The following NEBL variants were observed in gnomAD, a reference collection of about 807,000 sequenced individuals.
NEBL encodes the protein nebulette.
A neutral mutation model predicts 140.2 loss-of-function variants in NEBL; 122 were observed. That is an observed-to-expected ratio of 0.87 (90% CI 0.75 to 1.01). The LOEUF is 1.01. NEBL is among the 50% of genes least tolerant of loss of function. The probability of loss-of-function intolerance (pLI) is 0.00; values close to 1 mark genes in which losing one functional copy is unlikely to be tolerated. For synonymous variants in NEBL, 436 were observed against 398.9 expected (o/e 1.09, Z -1.11); for missense variants, 1,365 against 1,231.3 (o/e 1.11, Z -1.62).
intron 4 of NEBL, among the ~76,000 whole-genome samples, chr10:20,926,617 A>C (rs1833926070): frequency 6.6e-6 from 1 of 152,178 alleles, no homozygotes; most frequent in South Asian, 2.1e-4. Flanking sequence ...CAGGAAAGAA[A>C]TCTGTCCCTC....
At chr10:20,883,948 A>G (rs1846236676) in intron 4 of NEBL, among the ~76,000 whole-genome samples, 1 of 152,172 alleles carries the variant, frequency 6.6e-6, no homozygotes, top group East Asian at 1.9e-4. Context: ...GCTAATGGAA[A>G]ATTATGTCAA....
intron 3 of NEBL, among the ~76,000 whole-genome samples, chr10:21,243,840 A>T (rs1255059380): frequency 6.6e-6 from 1 of 152,032 alleles, no homozygotes; most frequent in Non-Finnish European, 1.5e-5. Flanking sequence ...CAGCGAAAGA[A>T]AAGTTTATTC....
chr10:20,889,594 T>A (rs1755070578), intron 3 of NEBL, among the ~76,000 whole-genome samples: 1 of 152,180 alleles, frequency 6.6e-6, no homozygotes, highest in African/African-American at 2.4e-5. Context: ...AGAGGAATCG[T>A]ATATAAATAA....
chr10:21,046,619 G>C (rs1303483039), intron 2 of NEBL, among the ~76,000 whole-genome samples: 1 of 152,028 alleles, frequency 6.6e-6, no homozygotes, highest in Non-Finnish European at 1.5e-5. Flanking sequence ...TTTTGTTTTT[G>C]AGACGGAGTG....
chr10:21,174,475 T>C, upstream of NEBL: 1 of 152,366 alleles, frequency 6.6e-6, no homozygotes, highest in Admixed American at 6.5e-5. Flanking sequence ...CCTCTTCTCT[T>C]CCCCAGCCGG....
At chr10:21,218,668 G>A (rs1362634583) in intron 3 of NEBL, among the ~76,000 whole-genome samples, 1 of 152,130 alleles carries the variant, frequency 6.6e-6, no homozygotes, top group Non-Finnish European at 1.5e-5. Context: ...AGATTAAACA[G>A]GAGAAATGGA....
At chr10:20,853,624 C>CA (rs1473048819) in intron 9 of NEBL, among the ~76,000 whole-genome samples, 5 of 151,816 alleles carry the variant, frequency 3.3e-5, no homozygotes, top group African/African-American at 1.2e-4. Flanking sequence ...CCCAGTTCTA[C>CA]AAAAAATAAA....
At chr10:21,060,604 T>TA (rs1474022026) in intron 2 of NEBL, among the ~76,000 whole-genome samples, 6 of 152,078 alleles carry the variant, frequency 3.9e-5, no homozygotes, top group African/African-American at 1.4e-4. Flanking sequence ...TCATTTTTTT[T>TA]AAAAATCCCC....
At chr10:21,132,366 CTTTG>C (rs1440760627) in intron 2 of NEBL, among the ~76,000 whole-genome samples, 2 of 152,244 alleles carry the variant, frequency 1.3e-5, no homozygotes, top group Admixed American at 6.5e-5. Context: ...ATGTGCCATA[CTTTG>C]TTTATCTACT....
chr10:21,028,013 G>C (rs945058516), intron 2 of NEBL, among the ~76,000 whole-genome samples: 5 of 151,870 alleles, frequency 3.3e-5, no homozygotes, highest in Non-Finnish European at 7.4e-5. Context: ...CATCACCTGA[G>C]GTCAGGAGTT....
At chr10:20,805,924 A>ATC (rs945745581) in intron 26 of NEBL, among the ~76,000 whole-genome samples, 1 of 152,068 alleles carries the variant, frequency 6.6e-6, no homozygotes, top group African/African-American at 2.4e-5. Flanking sequence ...GCTGTCCAAA[A>ATC]TCTCCCTCCA....
chr10:21,179,520 C>A (rs1445408398), upstream of NEBL, among the ~76,000 whole-genome samples: 1 of 152,066 alleles, frequency 6.6e-6, no homozygotes, highest in African/African-American at 2.4e-5. Flanking sequence ...TTAAGAACTC[C>A]AGCCCAAAAC....
intron 4 of NEBL, among the ~76,000 whole-genome samples, chr10:20,928,124 C>T (rs1246022135): frequency 6.6e-6 from 1 of 152,148 alleles, no homozygotes; most frequent in Non-Finnish European, 1.5e-5. Flanking sequence ...AATCACTGTA[C>T]AATTTATACT....
chr10:20,920,438 G>C (rs182485300), intron 4 of NEBL, among the ~76,000 whole-genome samples: 250 of 152,272 alleles, frequency 1.6e-3, no homozygotes, highest in Non-Finnish European at 2.9e-3. Context: ...GTAGTCCAGC[G>C]ACACACTGGA....
At position 21,138,724 on chromosome 10, in the gene NEBL, G is replaced by C. The variant is rs541115455; in HGVS notation, c.164+33659C>G. On this transcript the variant is annotated intron_variant, in intron 2 of 6. Transcript: ENST00000417816. ...TCCGAGAGGTTTGGTAACTTGCCCA[G>C]AGTCACACAGCTAAAAAACTGCAAA... Among the ~76,000 whole-genome samples, 78 of 151,316 alleles carry C rather than the reference G, an allele frequency of 5.2e-4. 1 individual carries two copies. The highest frequency in any genetic ancestry group is 4.0e-3 in the Admixed American group (60 of 15,146).
At chr10:20,814,778 A>AT (rs1450221874) in intron 22 of NEBL, among the ~76,000 whole-genome samples, 1 of 152,054 alleles carries the variant, frequency 6.6e-6, no homozygotes, top group East Asian at 1.9e-4. Context: ...ATTTCTTTTT[A>AT]TTTTTTTCTC....
At chr10:20,804,282 G>A (rs536303461) in intron 26 of NEBL, 9 of 152,122 alleles carry the variant, frequency 5.9e-5, no homozygotes, top group Admixed American at 3.9e-4. Flanking sequence ...TCTGAGCACT[G>A]GACATTCAAT....
chr10:21,179,495 C>A (rs764354921), upstream of NEBL, among the ~76,000 whole-genome samples: 1 of 151,804 alleles, frequency 6.6e-6, no homozygotes. Context: ...CAGCCCCTCA[C>A]GCTCCATCAT....
In NEBL at chr10:21,275,049, G is replaced by A. The variant is rs1345590206; in HGVS notation, n.182+17781C>T. On this transcript the variant is annotated intron_variant and non_coding_transcript_variant, in intron 1 of 8. Transcript: ENST00000675702. ...AAGTTCACGCCTGTGTTGTTCAAGG[G>A]CTAACTGTAAATTCTGCCCACCACC... 2.6e-5 allele frequency among the ~76,000 whole-genome samples: 4 copies of A among 152,068 alleles called. No individual in the cohort carries two copies. The East Asian group carries it at 7.8e-4, about 29-fold the overall frequency.
Sources: allele counts gnomAD v4.1 joint callset (sites outside exome capture counted in the v4.1 genomes callset), GRCh38; gene constraint gnomAD v4.1.1; transcripts MANE v1.5; gene names NCBI Gene and HGNC (gene_info 2026-07-23, HGNC 2026-07-21).